Variants in NAB2 observed in about 807,000 individuals in gnomAD.
The protein encoded by NAB2 is NGFI-A binding protein 2.
In NAB2, 9 loss-of-function variants were observed where a neutral mutation model predicts 44.2. The observed-to-expected ratio is 0.20, with a 90% confidence interval of 0.12 to 0.36. NAB2 has a LOEUF of 0.36. NAB2 is among the 10% of genes least tolerant of loss of function. The pLI is 1.00. For missense variants in NAB2, 514 were observed against 709.0 expected (o/e 0.73, Z 3.12); for synonymous variants, 342 against 291.0 (o/e 1.18, Z -1.78).
chr12:57,089,792 G>A (rs2033142303), intron 1 of NAB2, among the ~76,000 whole-genome samples: 1 of 152,154 alleles, frequency 6.6e-6, no homozygotes, highest in Admixed American at 6.5e-5. Context: ...GGGGTGACGA[G>A]GGAGGCAGGG....
At position 57,091,338 on chromosome 12, in the gene NAB2, G is replaced by A. The variant is rs2033179816; in HGVS notation, c.297G>A (p.Leu99=). 6.2e-7 allele frequency: 1 copy of A among 1,613,836 alleles called. No homozygotes were observed. Among genetic ancestry groups the A allele is most frequent in the African/African-American group, 1.3e-5 (1 of 75,040 alleles). The change falls in exon 2 of 7, where the codon CTG becomes CTA. Residue 99 remains leucine (L), a synonymous_variant. Coordinates refer to ENST00000300131, the MANE Select transcript of NAB2 (RefSeq NM_005967.4). The surrounding 1 kb of genome is among the most constrained non-coding windows in gnomAD (Gnocchi z 7.3). ...CCAAGCCCCTCCATGTCCGGCGCCT[G>A]CAGAAGGCACTGAGAGAGTGGGCCA... ...MATKPLHVRR[L]QKALREWATN...
In NAB2 at chr12:57,093,074, G is replaced by A. The variant is rs746263373; in HGVS notation, c.1155G>A (p.Gln385=). ...LKKLKQEVGE[Q]SHPEIQQPPP... ...TTGGGCATCCACAGGTTGGAGAACA[G>A]AGTCACCCTGAAATCCAGCAGCCTC... Residue 385 remains glutamine, a synonymous_variant, in exon 5 of 7, where the codon CAG becomes CAA. Coordinates refer to ENST00000300131, the MANE Select transcript of NAB2 (RefSeq NM_005967.4). The A allele has an allele frequency of 3.7e-6, 6 of 1,613,112 alleles. No individual in the cohort carries two copies. The highest frequency in any genetic ancestry group is 4.2e-6 in the Non-Finnish European group (5 of 1,179,360).
At chr12:57,092,650 T>A in intron 3 of NAB2, 69 bp downstream of exon 3, 1 of 1,574,596 alleles carries the variant, frequency 6.4e-7, no homozygotes, top group Non-Finnish European at 8.7e-7. Context: ...GTCCTAACCT[T>A]CAGCTCAGGC....
intron 6 of NAB2, 114 bp downstream of exon 6, chr12:57,093,712 C>CA: frequency 8.6e-7 from 1 of 1,159,032 alleles, no homozygotes; most frequent in East Asian, 2.9e-5. Context: ...TCAGAGAGGG[C>CA]AGTAGGATGG....
intron 1 of NAB2, among the ~76,000 whole-genome samples, chr12:57,090,170 GAGGAAGCGTGCGTTA>G (rs540191249): frequency 1.2e-3 from 187 of 152,304 alleles, no homozygotes; most frequent in African/African-American, 4.3e-3. Flanking sequence ...TGAGGGGAGA[GAGGAAGCGTGCGTTA>G]AGAATGCTTA....
rs2033314550 is a variant in NAB2 at position 57,094,970 on chromosome 12, C to T, written c.*249C>T. The T allele has an allele frequency of 1.9e-6, 1 of 518,314 alleles. No individual in the cohort carries two copies. Among genetic ancestry groups the T allele is most frequent in the African/African-American group, 1.9e-5 (1 of 51,502 alleles). The allele number at this position is 518,314 out of a possible 1,614,324, so 32.1% of individuals were successfully genotyped here. A position where few individuals can be genotyped will look rare whatever the true frequency, so the allele number is the denominator to read the frequency against. ...CAGAGCGAGGGGGCAAGGACTCTGC[C>T]TCCAGGGCATCTGGGGTTTTCCCCT... On this transcript the variant is annotated 3_prime_UTR_variant, in exon 7 of 7. Coordinates refer to ENST00000300131, the MANE Select transcript of NAB2 (RefSeq NM_005967.4).
chr12:57,094,558 T>G (rs912475602), intron 6 of NAB2, 54 bp from the exon 7 acceptor site: 3 of 1,417,838 alleles, frequency 2.1e-6, no homozygotes, highest in Non-Finnish European at 1.9e-6. Flanking sequence ...CCCAACCACC[T>G]CTGTCTGCAG....
In NAB2 at chr12:57,091,281, T is replaced by C. The variant is rs768076583; in HGVS notation, c.240T>C (p.Phe80=). The change falls in exon 2 of 7, where the codon TTT becomes TTC. Residue 80 remains phenylalanine (F), a synonymous_variant. Coordinates refer to ENST00000300131, the MANE Select transcript of NAB2 (RefSeq NM_005967.4). The surrounding 1 kb of genome is among the most constrained non-coding windows in gnomAD (Gnocchi z 7.3). ...QQLCEAGEEE[F]LEIMALVGMA... The stretch of plus-strand genomic sequence containing the variant: ...TGTGTGAGGCGGGTGAGGAGGAGTT[T>C]CTGGAGATCATGGCACTTGTGGGCA... 8.1e-6 allele frequency: 13 copies of C among 1,608,748 alleles called. No individual in the cohort carries two copies. The African/African-American group carries it at 1.6e-4, about 20-fold the overall frequency.
Position 57,092,979 on chromosome 12 carries a change from CG to C in NAB2, c.1143+15del, listed in dbSNP as rs1565673765. On this transcript the variant is annotated intron_variant, in intron 4 of 6. Transcript: ENST00000300131. ...AAGCTGAAACAAGAGGTATGTTTTC[CG>C]GGGTGCATATAGGGGCACTGGGCAG... 3.1e-6 allele frequency: 5 copies of C among 1,614,028 alleles called. No homozygotes were observed. Among genetic ancestry groups the C allele is most frequent in the Admixed American group, 3.3e-5 (2 of 59,994 alleles).
intron 1 of NAB2, 99 bp downstream of exon 1, chr12:57,089,453 GCA>G: frequency 2.8e-6 from 2 of 708,394 alleles, no homozygotes; most frequent in Non-Finnish European, 4.3e-6. Flanking sequence ...ACGTGGGGAA[GCA>G]GGACGGGGGT....
At chr12:57,093,795 CT>C (rs1466797578) in intron 6 of NAB2, among the ~76,000 whole-genome samples, 197 bp downstream of exon 6, 5 of 152,140 alleles carry the variant, frequency 3.3e-5, no homozygotes, top group Non-Finnish European at 5.9e-5. Flanking sequence ...CATGGAAAGT[CT>C]GGTCCTAGTG....
chr12:57,091,194 C>T lies in NAB2; in HGVS notation c.153C>T (p.Arg51=), dbSNP rs202195313. Residue 51 remains arginine (R), a synonymous_variant, in exon 2 of 7, where the codon CGC becomes CGT. Transcript: ENST00000300131. This position sits in a 1 kb window ranked among gnomAD's most constrained non-coding sequence, Gnocchi z 7.3. ...TGCAGCTGTACCGGGTCCTGCAGCG[C>T]GCCAACCTCCTTTCCTACTATGAGA... ...GELQLYRVLQ[R]ANLLSYYETF... is the part of the protein sequence containing the mutation. 4.6e-5 allele frequency: 71 copies of T among 1,559,980 alleles called. No homozygotes were observed. The highest frequency in any genetic ancestry group is 4.5e-4 in the East Asian group (20 of 44,236).
In NAB2 at chr12:57,093,220, C is replaced by A. The variant is rs1191726728; in HGVS notation, c.1276+25C>A. Reference sequence around the variant, plus strand: ...GGTGAGTGTGCCTCAGAACACTTTTCTCTTCATTGAGGGTGGGGGAGTAGG... The same window carrying A: ...GGTGAGTGTGCCTCAGAACACTTTTATCTTCATTGAGGGTGGGGGAGTAGG... On this transcript the variant is annotated intron_variant, in intron 5 of 6. Transcript: ENST00000300131. The A allele has an allele frequency of 2.6e-6, 4 of 1,554,806 alleles. No homozygotes were observed. The African/African-American group carries it at 4.1e-5, about 16-fold the overall frequency.
Position 57,091,709 on chromosome 12 carries a change from G to T in NAB2, c.668G>T (p.Gly223Val). 1 of 1,613,858 alleles carries T rather than the reference G, an allele frequency of 6.2e-7. No individual in the cohort carries two copies. The highest frequency in any genetic ancestry group is 8.5e-7 in the Non-Finnish European group (1 of 1,179,820). Residue 223 changes from glycine to valine, a missense_variant, in exon 2 of 7, where the codon GGG becomes GTG. Transcript: ENST00000300131. The surrounding 1 kb of genome is among the most constrained non-coding windows in gnomAD (Gnocchi z 7.3). ...GGGVPEGTGAGGLAAGGTGGG... is the reference protein window; with the variant it reads ...GGGVPEGTGAVGLAAGGTGGG... ...GGAGTCCCTGAGGGGACTGGGGCTG[G>T]GGGGCTGGCAGCAGGTGGGACTGGG...
chr12:57,094,354 T>G (rs1426886219), intron 6 of NAB2, among the ~76,000 whole-genome samples: 3 of 149,360 alleles, frequency 2.0e-5, no homozygotes, highest in Admixed American at 1.3e-4. Context: ...AACCAGAAAT[T>G]CCAGCGCAAC....
intron 2 of NAB2, 161 bp downstream of exon 2, chr12:57,092,159 T>G (rs770099735): frequency 1.6e-6 from 2 of 1,269,928 alleles, no homozygotes; most frequent in Non-Finnish European, 2.1e-6. Context: ...GCGGCCGCAG[T>G]GCTTCCATCC....
chr12:57,089,224 C>T lies in NAB2; in HGVS notation c.-48C>T, dbSNP rs1489570124. The T allele has an allele frequency of 3.9e-6, 6 of 1,541,730 alleles. No homozygotes were observed. The Admixed American group carries it at 1.2e-4, about 30-fold the overall frequency. ...GAAGAGGGCAGCACGCAGCAGGCGC[C>T]GAGCGCCGGGCACCGAGAAGGGCAG... On this transcript the variant is annotated 5_prime_UTR_variant, in exon 1 of 7. Coordinates refer to ENST00000300131, the MANE Select transcript of NAB2 (RefSeq NM_005967.4).
intron 1 of NAB2, 56 bp downstream of exon 1, chr12:57,089,410 A>T: frequency 7.4e-7 from 1 of 1,356,534 alleles, no homozygotes. Flanking sequence ...TGGACTTGGG[A>T]ATGGGGTCCA....
In NAB2 at chr12:57,093,119, T is replaced by C. The variant is rs1565673857; in HGVS notation, c.1200T>C (p.Tyr400=). The change falls in exon 5 of 7, where the codon TAT becomes TAC. Residue 400 remains tyrosine, a synonymous_variant. Coordinates refer to ENST00000300131, the MANE Select transcript of NAB2 (RefSeq NM_005967.4). Reference sequence around the variant, plus strand: ...AGCCTCCCCCAGGCCCTGAGTCCTATGTACCCCCATACCGCCCCAGCCTGG... The same window carrying C: ...AGCCTCCCCCAGGCCCTGAGTCCTACGTACCCCCATACCGCCCCAGCCTGG... ...IQQPPPGPES[Y]VPPYRPSLEE... 4 of 1,613,660 alleles carry C rather than the reference T, an allele frequency of 2.5e-6. No individual in the cohort carries two copies. The highest frequency in any genetic ancestry group is 3.4e-6 in the Non-Finnish European group (4 of 1,179,816).
Sources: allele counts gnomAD v4.1 joint callset (sites outside exome capture counted in the v4.1 genomes callset), GRCh38; gene constraint gnomAD v4.1.1; non-coding constraint Gnocchi (gnomAD v3.1); transcripts MANE v1.5; gene names NCBI Gene and HGNC (gene_info 2026-07-23, HGNC 2026-07-21).